Variants in MAP2K6 observed in about 807,000 individuals in gnomAD.
MAP2K6 encodes the protein mitogen-activated protein kinase kinase 6.
Under a neutral mutation model 53.7 loss-of-function variants are expected in MAP2K6, and 16 were observed. The ratio of observed to expected loss-of-function variants is 0.30; its 90% CI spans 0.20 to 0.45. MAP2K6 has a LOEUF of 0.45. Among genes scored for constraint, MAP2K6 ranks in the 20% least tolerant of loss-of-function variants. The probability of loss-of-function intolerance (pLI) is 1.00; values close to 1 mark genes in which losing one functional copy is unlikely to be tolerated. For missense variants in MAP2K6, 204 were observed against 411.9 expected, an observed-to-expected ratio of 0.50 and a Z score of 4.37; for synonymous variants, 132 against 143.1, an observed-to-expected ratio of 0.92 and a Z score of 0.55.
intron 1 of MAP2K6, among the ~76,000 whole-genome samples, chr17:69,473,981 T>G (rs1908058978): frequency 6.6e-6 from 1 of 152,148 alleles, no homozygotes; most frequent in African/African-American, 2.4e-5. Context: ...ATATTCTGAA[T>G]CAAAGATTTA....
intron 2 of MAP2K6, among the ~76,000 whole-genome samples, chr17:69,508,717 G>A (rs910685842): frequency 1.1e-4 from 16 of 152,188 alleles, no homozygotes; most frequent in Non-Finnish European, 1.5e-4. Flanking sequence ...CCTAGTCCTA[G>A]ATCTGTCTAG....
chr17:69,421,537 G>GT (rs1906078516), intron 1 of MAP2K6, among the ~76,000 whole-genome samples: 1 of 149,240 alleles, frequency 6.7e-6, no homozygotes, highest in African/African-American at 2.5e-5. Flanking sequence ...TTTTGTTGTT[G>GT]TTTTTTGTTT....
chr17:69,526,992 A>G (rs1489313458), intron 10 of MAP2K6, among the ~76,000 whole-genome samples: 1 of 152,136 alleles, frequency 6.6e-6, no homozygotes, highest in Non-Finnish European at 1.5e-5. Context: ...CAGAGGGAAG[A>G]CCTCAGGATA....
chr17:69,525,065 C>G (rs1567854875), intron 9 of MAP2K6, 87 bp downstream of exon 9: 1 of 1,163,430 alleles, frequency 8.6e-7, no homozygotes, highest in Non-Finnish European at 1.3e-6. Flanking sequence ...AACAAATGCC[C>G]TAAATGCTGG....
chr17:69,512,496 T>C (rs570620523), intron 2 of MAP2K6, among the ~76,000 whole-genome samples: 1 of 151,868 alleles, frequency 6.6e-6, no homozygotes, highest in South Asian at 2.1e-4. Context: ...CCCGCCACCA[T>C]GCCCAGCTAA....
intron 2 of MAP2K6, 62 bp downstream of exon 2, chr17:69,505,908 T>G: frequency 6.9e-7 from 1 of 1,454,404 alleles, no homozygotes; most frequent in Non-Finnish European, 9.6e-7. Context: ...CTCCTGGGGG[T>G]TTATTTTTGG....
intron 1 of MAP2K6, among the ~76,000 whole-genome samples, chr17:69,498,650 C>CCGCACACACACA (rs1555607286): frequency 2.1e-5 from 3 of 145,420 alleles, no homozygotes; most frequent in African/African-American, 5.1e-5. Flanking sequence ...CACCTGGAAG[C>CCGCACACACACA]CACACACACA....
rs1912104143 is a variant in MAP2K6 at position 69,551,632 on chromosome 17, T to A, written c.*9879T>A. On this transcript the variant is annotated 3_prime_UTR_variant, in exon 12 of 12. Coordinates refer to ENST00000590474, the MANE Select transcript of MAP2K6 (RefSeq NM_002758.4). Reference sequence around the variant, plus strand: ...AGGAGGTTTGATTAAGAAAATTGTGTTTATCTCCTGTATTACCTCTGTGTT... The same window carrying A: ...AGGAGGTTTGATTAAGAAAATTGTGATTATCTCCTGTATTACCTCTGTGTT... The A allele has an allele frequency of 6.6e-6, 1 of 152,224 alleles. No homozygotes were observed. The highest frequency in any genetic ancestry group is 6.5e-5 in the Admixed American group (1 of 15,286). 9.4% of individuals were successfully genotyped at this position (152,224 alleles called of 1,614,324 possible). A position where few individuals can be genotyped will look rare whatever the true frequency, so the allele number is the denominator to read the frequency against.
At position 69,551,563 on chromosome 17, in the gene MAP2K6, A is replaced by G. The variant is rs1421386610; in HGVS notation, c.*9810A>G. On this transcript the variant is annotated 3_prime_UTR_variant, in exon 12 of 12. Transcript: ENST00000590474. Reference sequence around the variant, plus strand: ...TATGTGCCAAAAATTTACATTGGGCAGCAGTTTATAGTGTTCTTGGCCAAT... The same window carrying G: ...TATGTGCCAAAAATTTACATTGGGCGGCAGTTTATAGTGTTCTTGGCCAAT... 1 of 152,234 alleles carries G rather than the reference A, an allele frequency of 6.6e-6. No individual in the cohort carries two copies. Among genetic ancestry groups the G allele is most frequent in the East Asian group, 1.9e-4 (1 of 5,198 alleles). The allele number at this position is 152,234 out of a possible 1,614,324, so 9.4% of individuals were successfully genotyped here. A position where few individuals can be genotyped will look rare whatever the true frequency, so the allele number is the denominator to read the frequency against.
rs1289544995 is a variant in MAP2K6, at chr17:69,491,228, C to G, written c.17-14552C>G. On this transcript the variant is annotated intron_variant, in intron 1 of 11. Transcript: ENST00000590474. ...GCACCATCTTGGCTCACTGCAACCTCTGTCTCCAGGGTTCAAGCAATTCTC... is the reference window on the plus strand; with the variant it reads ...GCACCATCTTGGCTCACTGCAACCTGTGTCTCCAGGGTTCAAGCAATTCTC... Among the ~76,000 whole-genome samples the G allele has an allele frequency of 2.0e-5, 3 of 152,104 alleles. No individual in the cohort carries two copies. In the East Asian group the frequency reaches 5.8e-4, roughly 29 times the overall value.
chr17:69,533,110 G>A (rs1911169529), intron 10 of MAP2K6, among the ~76,000 whole-genome samples: 1 of 151,974 alleles, frequency 6.6e-6, no homozygotes, highest in African/African-American at 2.4e-5. Context: ...TGTATTTTTA[G>A]TAGAGTCGGG....
chr17:69,541,543 G>A (rs767225524), intron 11 of MAP2K6, 133 bp from the exon 12 acceptor site: 11 of 541,828 alleles, frequency 2.0e-5, no homozygotes, highest in Non-Finnish European at 3.3e-6. Context: ...ATTTTGGAAA[G>A]GGTAGGAAAA....
intron 1 of MAP2K6, among the ~76,000 whole-genome samples, chr17:69,417,262 T>C (rs817546): frequency 0.47 from 70,793 of 152,062 alleles, 16,746 homozygotes; most frequent in Middle Eastern, 0.53. Context: ...GTACCAAACT[T>C]CTTTTTTAAT....
At chr17:69,512,585 C>T (rs1311685213) in intron 2 of MAP2K6, among the ~76,000 whole-genome samples, 1 of 152,036 alleles carries the variant, frequency 6.6e-6, no homozygotes, top group Admixed American at 6.5e-5. Flanking sequence ...GATCCACCTG[C>T]CTCAGCCTCC....
At chr17:69,506,976 G>A (rs1359963476) in intron 2 of MAP2K6, among the ~76,000 whole-genome samples, 1 of 149,832 alleles carries the variant, frequency 6.7e-6, no homozygotes, top group Non-Finnish European at 1.5e-5. Context: ...TTTTTTTTCG[G>A]TCTCTCTGAG....
chr17:69,530,515 A>G (rs1324974706), intron 10 of MAP2K6, among the ~76,000 whole-genome samples: 7 of 152,262 alleles, frequency 4.6e-5, no homozygotes, highest in Admixed American at 3.3e-4. Flanking sequence ...TTTTGTTGGT[A>G]TGGGAATTAA....
intron 1 of MAP2K6, among the ~76,000 whole-genome samples, chr17:69,453,427 G>C (rs940998399): frequency 6.6e-6 from 1 of 152,170 alleles, no homozygotes; most frequent in Non-Finnish European, 1.5e-5. Flanking sequence ...GCTGTTAGGT[G>C]TACTTGAAAA....
chr17:69,541,448 T>A (rs895988803), intron 11 of MAP2K6, among the ~76,000 whole-genome samples: 1 of 152,114 alleles, frequency 6.6e-6, no homozygotes, highest in Non-Finnish European at 1.5e-5. Context: ...AAATTTAATA[T>A]AGTGGAAACC....
At chr17:69,503,671 G>T (rs1909291444) in intron 1 of MAP2K6, among the ~76,000 whole-genome samples, 1 of 151,918 alleles carries the variant, frequency 6.6e-6, no homozygotes, top group African/African-American at 2.4e-5. Flanking sequence ...CATTATAGTG[G>T]GCTATAATGA....
Sources: gnomAD v4.1 joint callset for allele counts (sites outside exome capture counted in the v4.1 genomes callset) on GRCh38, gnomAD v4.1.1 for gene constraint, MANE v1.5 for transcripts, NCBI Gene and HGNC (gene_info 2026-07-23, HGNC 2026-07-21) for gene names.